PSD3: variants seen among roughly 807,000 people sequenced by gnomAD.
PSD3 encodes PH and SEC7 domain-containing protein 3.
A neutral mutation model predicts 105.5 loss-of-function variants in PSD3; 49 were observed. The observed-to-expected ratio is 0.46, with a 90% CI of 0.37 to 0.59. The LOEUF (loss-of-function observed/expected upper bound fraction) is 0.59, where lower values mean the gene tolerates loss of function less well. Among genes scored for constraint, PSD3 ranks in the 20% least tolerant of loss-of-function variants. The pLI, the probability that PSD3 is intolerant of heterozygous loss-of-function variation, is 0.00. For synonymous variants in PSD3, 557 were observed against 457.8 expected (o/e 1.22, Z -2.77); for missense variants, 1,561 against 1,263.8 (o/e 1.24, Z -3.57).
chr8:19,069,371 G>A (rs1293842512), intron 1 of PSD3, among the ~76,000 whole-genome samples: 1 of 152,132 alleles, frequency 6.6e-6, no homozygotes, highest in African/African-American at 2.4e-5. Context: ...TTCCAATGGG[G>A]GAAGGGAAAG....
intron 1 of PSD3, among the ~76,000 whole-genome samples, chr8:19,046,131 A>T (rs1449790317): frequency 6.6e-6 from 1 of 152,110 alleles, no homozygotes; most frequent in Non-Finnish European, 1.5e-5. Context: ...TGGTGTTTTG[A>T]GATGGAGTCT....
chr8:18,578,839 T>G (rs1802624843), intron 12 of PSD3, among the ~76,000 whole-genome samples: 1 of 152,010 alleles, frequency 6.6e-6, no homozygotes, highest in Non-Finnish European at 1.5e-5. Flanking sequence ...GAGGACTCTA[T>G]TCCAAGGTAG....
intron 9 of PSD3, among the ~76,000 whole-genome samples, chr8:18,763,617 A>G (rs1008505070): frequency 6.6e-6 from 1 of 152,208 alleles, no homozygotes; most frequent in African/African-American, 2.4e-5. Flanking sequence ...ACAGAAATAA[A>G]AAGAAACCAG....
intron 2 of PSD3, among the ~76,000 whole-genome samples, chr8:18,917,204 C>T (rs939538053): frequency 1.3e-5 from 2 of 152,226 alleles, no homozygotes; most frequent in African/African-American, 4.8e-5. Context: ...TCTCCACTGC[C>T]TCAGTTCAGG....
chr8:18,529,648 C>T lies in PSD3; in HGVS notation c.*6095G>A, dbSNP rs975351800. On this transcript the variant is annotated 3_prime_UTR_variant, in exon 16 of 16. Coordinates refer to ENST00000327040, the MANE Select transcript of PSD3 (RefSeq NM_015310.4). ...AAAGTATCTTAACAGCATTAAAAAT[C>T]AATGTGCATATATATACTCTCTCTA... The T allele has an allele frequency of 1.1e-4, 17 of 152,698 alleles. No individual in the cohort carries two copies. Among genetic ancestry groups the T allele is most frequent in the Middle Eastern group, 3.4e-3 (1 of 294 alleles). The allele number at this position is 152,698 out of a possible 1,614,324, so 9.5% of individuals were successfully genotyped here. A position where few individuals can be genotyped will look rare whatever the true frequency, so the allele number is the denominator to read the frequency against.
chr8:19,050,603 G>A (rs990693864), intron 1 of PSD3, among the ~76,000 whole-genome samples: 6 of 151,984 alleles, frequency 3.9e-5, no homozygotes, highest in East Asian at 1.9e-4. Flanking sequence ...ACCAAACACC[G>A]CATATTCTCA....
chr8:18,750,558 C>T (rs565030403), intron 9 of PSD3, among the ~76,000 whole-genome samples: 22 of 152,180 alleles, frequency 1.4e-4, no homozygotes, highest in African/African-American at 5.3e-4. Context: ...AAGAACAAAC[C>T]TTCCACAGTG....
At chr8:18,661,421 T>C (rs1809339901) in intron 9 of PSD3, among the ~76,000 whole-genome samples, 2 of 152,196 alleles carry the variant, frequency 1.3e-5, no homozygotes, top group Admixed American at 6.5e-5. Flanking sequence ...AAGAGCATGT[T>C]TGAAAAAGAC....
intron 1 of PSD3, chr8:19,001,738 C>T (rs12677249): frequency 0.7 from 106,504 of 152,588 alleles, 37,956 homozygotes; most frequent in East Asian, 0.91. Context: ...GGCAGCAGCC[C>T]CGGGCTCAGA....
intron 12 of PSD3, among the ~76,000 whole-genome samples, chr8:18,587,929 C>G (rs529162382): frequency 2.9e-4 from 44 of 152,232 alleles, no homozygotes; most frequent in African/African-American, 9.9e-4. Flanking sequence ...CTATCACATG[C>G]TGGTAGATTA....
At chr8:18,931,288 T>C (rs1176491751) in intron 2 of PSD3, among the ~76,000 whole-genome samples, 1 of 152,074 alleles carries the variant, frequency 6.6e-6, no homozygotes, top group Admixed American at 6.6e-5. Context: ...CACATTATAC[T>C]GCAAGGAGTC....
At chr8:18,806,501 G>A (rs2129447904) in intron 4 of PSD3, among the ~76,000 whole-genome samples, 1 of 152,286 alleles carries the variant, frequency 6.6e-6, no homozygotes, top group African/African-American at 2.4e-5. Context: ...TTGGAAGTAA[G>A]ACATGCTCAT....
intron 8 of PSD3, among the ~76,000 whole-genome samples, chr8:18,770,666 G>A (rs1210440278): frequency 6.6e-6 from 1 of 152,218 alleles, no homozygotes; most frequent in Non-Finnish European, 1.5e-5. Context: ...CAACATCTGG[G>A]GAGGGGTGCC....
intron 8 of PSD3, among the ~76,000 whole-genome samples, chr8:18,793,526 G>GA (rs914313440): frequency 6.6e-6 from 1 of 151,902 alleles, no homozygotes; most frequent in African/African-American, 2.4e-5. Flanking sequence ...AATAATTTAG[G>GA]AAAAAAAGCC....
chr8:18,593,921 C>T (rs1803803895), intron 12 of PSD3, among the ~76,000 whole-genome samples: 1 of 122,220 alleles, frequency 8.2e-6, no homozygotes, highest in Non-Finnish European at 1.6e-5. Flanking sequence ...GGGAATTGAA[C>T]AATGAGAACA....
chr8:18,982,624 T>A (rs147728085), intron 1 of PSD3, among the ~76,000 whole-genome samples: 1 of 152,222 alleles, frequency 6.6e-6, no homozygotes, highest in Non-Finnish European at 1.5e-5. Context: ...GAAAACAACA[T>A]ACATCTCCTT....
intron 9 of PSD3, among the ~76,000 whole-genome samples, chr8:18,719,326 T>C (rs1425680496): frequency 6.6e-6 from 1 of 152,228 alleles, no homozygotes; most frequent in Non-Finnish European, 1.5e-5. Flanking sequence ...AAACTGAGTT[T>C]ATGGCTTGTA....
intron 11 of PSD3, among the ~76,000 whole-genome samples, chr8:18,627,396 G>C (rs1383967083): frequency 6.6e-6 from 1 of 152,066 alleles, no homozygotes. Flanking sequence ...CTTGGCTGTA[G>C]CATCGATCTT....
At chr8:18,548,305 C>A (rs1465494472) in intron 15 of PSD3, among the ~76,000 whole-genome samples, 1 of 152,122 alleles carries the variant, frequency 6.6e-6, no homozygotes, top group African/African-American at 2.4e-5. Flanking sequence ...CTTTTTCAGG[C>A]AACTCATAGA....
Sources: allele counts gnomAD v4.1 joint callset (sites outside exome capture counted in the v4.1 genomes callset), GRCh38; gene constraint gnomAD v4.1.1; transcripts MANE v1.5; gene names NCBI Gene and HGNC (gene_info 2026-07-23, HGNC 2026-07-21).